The following CAMK4 variants were observed in gnomAD, a reference collection of about 807,000 sequenced individuals.
CAMK4 encodes the protein calcium/calmodulin-dependent protein kinase type IV.
A neutral mutation model predicts 44.9 loss-of-function variants in CAMK4; 22 were observed. The ratio of observed to expected loss-of-function variants is 0.49; its 90% CI spans 0.35 to 0.70. The LOEUF is 0.70. CAMK4 is among the 30% of genes least tolerant of loss of function. The pLI, the probability that CAMK4 is intolerant of heterozygous loss-of-function variation, is 0.01. For synonymous variants in CAMK4, 218 were observed against 215.4 expected (o/e 1.01, Z -0.11); for missense variants, 498 against 586.8 (o/e 0.85, Z 1.56).
intron 4 of CAMK4, among the ~76,000 whole-genome samples, chr5:111,382,041 C>T (rs1751435949): frequency 6.6e-6 from 1 of 152,148 alleles, no homozygotes; most frequent in South Asian, 2.1e-4. Flanking sequence ...TTGTCTCTTG[C>T]ACATCATTTC....
chr5:111,323,562 GA>G (rs1003102248), intron 1 of CAMK4, among the ~76,000 whole-genome samples: 4 of 148,732 alleles, frequency 2.7e-5, no homozygotes, highest in African/African-American at 4.9e-5. Flanking sequence ...TGTCCCATTT[GA>G]AAAAAAAATG....
chr5:111,410,097 T>C (rs1288700552), intron 5 of CAMK4, among the ~76,000 whole-genome samples: 2 of 152,172 alleles, frequency 1.3e-5, no homozygotes, highest in African/African-American at 4.8e-5. Context: ...CATTTTTGGG[T>C]ATCTTTACAG....
intron 1 of CAMK4, among the ~76,000 whole-genome samples, chr5:111,343,086 T>C (rs981110475): frequency 6.6e-6 from 1 of 151,760 alleles, no homozygotes; most frequent in African/African-American, 2.4e-5. Context: ...GTATATGTCA[T>C]ACCTTACCAA....
rs114624671 is a variant in CAMK4, at chr5:111,452,805, G to C, written c.625+3602G>C. ...AGAAATAAGAGGTTGAAAGTGACCA[G>C]GATAATTCTACTATAGGTAGTGGCT... On this transcript the variant is annotated intron_variant, in intron 7 of 10. Transcript: ENST00000282356. Among the ~76,000 whole-genome samples, 214 of 152,236 alleles carry C rather than the reference G, an allele frequency of 1.4e-3. 1 individual carries two copies. The highest frequency in any genetic ancestry group is 5.0e-3 in the African/African-American group (206 of 41,536).
chr5:111,282,015 C>T (rs1339741256), intron 1 of CAMK4, among the ~76,000 whole-genome samples: 4 of 150,960 alleles, frequency 2.6e-5, no homozygotes, highest in Non-Finnish European at 4.4e-5. Flanking sequence ...GCCGAGATTG[C>T]GCCACTGCAC....
chr5:111,230,705 G>A (rs1748428286), intron 1 of CAMK4, among the ~76,000 whole-genome samples: 1 of 152,118 alleles, frequency 6.6e-6, no homozygotes, highest in African/African-American at 2.4e-5. Context: ...ACATATATGT[G>A]TGGGTTATGT....
Position 111,482,679 on chromosome 5 carries a change from A to G in CAMK4, c.829-106A>G. 3.3e-6 allele frequency: 3 copies of G among 903,030 alleles called. No individual in the cohort carries two copies. The South Asian group carries it at 5.4e-5, about 16-fold the overall frequency. The allele number at this position is 903,030 out of a possible 1,614,324, so 55.9% of individuals were successfully genotyped here. A position where few individuals can be genotyped will look rare whatever the true frequency, so the allele number is the denominator to read the frequency against. Reference sequence around the variant, plus strand: ...AACAATTTTTTTCTCACATATATTTAGTGGTACTGCTGGGAAATGGAATAA... The same window carrying G: ...AACAATTTTTTTCTCACATATATTTGGTGGTACTGCTGGGAAATGGAATAA... On this transcript the variant is annotated intron_variant, in intron 9 of 10. Coordinates refer to ENST00000282356, the MANE Select transcript of CAMK4 (RefSeq NM_001744.6). The surrounding 1 kb of genome is among the most constrained non-coding windows in gnomAD (Gnocchi z 4.9).
chr5:111,303,762 T>C (rs1247244681), intron 1 of CAMK4, among the ~76,000 whole-genome samples: 2 of 147,954 alleles, frequency 1.4e-5, no homozygotes, highest in Admixed American at 6.6e-5. Context: ...GAGATACTCC[T>C]CGAGAAGAGC....
chr5:111,278,284 G>C (rs1464401554), intron 1 of CAMK4, among the ~76,000 whole-genome samples: 1 of 152,154 alleles, frequency 6.6e-6, no homozygotes, highest in Non-Finnish European at 1.5e-5. Flanking sequence ...CTTTGTGTTG[G>C]AAATGGACAT....
At chr5:111,309,307 G>A (rs571947298) in intron 1 of CAMK4, among the ~76,000 whole-genome samples, 1 of 152,252 alleles carries the variant, frequency 6.6e-6, no homozygotes, top group East Asian at 1.9e-4. Flanking sequence ...TTTGACCTGG[G>A]TCTTAGGTGG....
intron 4 of CAMK4, among the ~76,000 whole-genome samples, chr5:111,386,253 G>A (rs1020387487): frequency 2.0e-5 from 3 of 152,142 alleles, no homozygotes; most frequent in Admixed American, 2.0e-4. Context: ...ATATAATTTT[G>A]TATGTAACAG....
chr5:111,267,614 G>A (rs1426849420), intron 1 of CAMK4, among the ~76,000 whole-genome samples: 2 of 146,662 alleles, frequency 1.4e-5, no homozygotes, highest in Non-Finnish European at 3.0e-5. Context: ...TGAGGCAGGA[G>A]AATGGCGTGA....
chr5:111,268,119 ACTC>A (rs929646701), intron 1 of CAMK4, among the ~76,000 whole-genome samples: 7 of 152,038 alleles, frequency 4.6e-5, no homozygotes, highest in African/African-American at 7.2e-5. Context: ...GCCCTCTACT[ACTC>A]ATTATTTTTA....
At chr5:111,243,352 C>A (rs1749091373) in intron 1 of CAMK4, among the ~76,000 whole-genome samples, 1 of 152,148 alleles carries the variant, frequency 6.6e-6, no homozygotes, top group Admixed American at 6.6e-5. Context: ...GGATGAGGAA[C>A]TTGATCAGAC....
intron 1 of CAMK4, among the ~76,000 whole-genome samples, chr5:111,285,818 C>T (rs1034739291): frequency 3.3e-5 from 5 of 152,142 alleles, no homozygotes; most frequent in South Asian, 2.1e-4. Context: ...GGTAGTTTCC[C>T]GTGTGATGAC....
chr5:111,420,959 C>G (rs116725784), intron 5 of CAMK4, among the ~76,000 whole-genome samples: 3 of 151,418 alleles, frequency 2.0e-5, no homozygotes, highest in Non-Finnish European at 2.9e-5. Flanking sequence ...CCTCCTCAGC[C>G]GATGGGATTA....
chr5:111,419,693 A>T (rs1053100705), intron 5 of CAMK4, among the ~76,000 whole-genome samples: 4 of 152,126 alleles, frequency 2.6e-5, no homozygotes, highest in Non-Finnish European at 5.9e-5. Context: ...CCATTTATTA[A>T]ATAGGGAATC....
chr5:111,430,000 A>G (rs1279584209), intron 5 of CAMK4, among the ~76,000 whole-genome samples: 1 of 151,852 alleles, frequency 6.6e-6, no homozygotes, highest in Non-Finnish European at 1.5e-5. Context: ...CCAAAACCAG[A>G]CAATGATATA....
At chr5:111,473,161 A>AG (rs1755121858) in intron 7 of CAMK4, 150 bp from the exon 8 acceptor site, 3 of 665,634 alleles carry the variant, frequency 4.5e-6, no homozygotes, top group Non-Finnish European at 8.0e-6. Flanking sequence ...ATAAGTATTT[A>AG]TAGCTTCATA....
Sources: gnomAD v4.1 joint callset for allele counts (sites outside exome capture counted in the v4.1 genomes callset) on GRCh38, gnomAD v4.1.1 for gene constraint, Gnocchi (gnomAD v3.1) non-coding constraint, MANE v1.5 for transcripts, NCBI Gene and HGNC (gene_info 2026-07-23, HGNC 2026-07-21) for gene names.